PLCL1: variants seen among roughly 807,000 people sequenced by gnomAD.
The protein encoded by PLCL1 is inactive phospholipase C-like protein 1.
PLCL1 carries 41 observed loss-of-function variants against 84.4 expected under a neutral mutation model. The observed-to-expected ratio is 0.49, with a 90% CI of 0.38 to 0.63. The LOEUF is 0.63. Among genes scored for constraint, PLCL1 ranks in the 30% least tolerant of loss-of-function variants. PLCL1 has a pLI of 0.00. For missense variants in PLCL1, 1,206 were observed against 1,367.8 expected, an observed-to-expected ratio of 0.88 and a Z score of 1.87; for synonymous variants, 490 against 488.3, an observed-to-expected ratio of 1.00 and a Z score of -0.05.
chr2:198,067,736 T>A (rs1035017050), intron 1 of PLCL1, among the ~76,000 whole-genome samples: 4 of 152,236 alleles, frequency 2.6e-5, no homozygotes, highest in African/African-American at 7.2e-5. Flanking sequence ...CAGTCTCCTG[T>A]GTCTTGCATT....
chr2:197,903,994 T>G (rs6706937), intron 1 of PLCL1, among the ~76,000 whole-genome samples: 110,202 of 151,136 alleles, frequency 0.73, 41,221 homozygotes, highest in African/African-American at 0.91. Flanking sequence ...GTAGAGACGG[T>G]GTTTCACCAT....
At chr2:198,039,664 A>G (rs1212719366) in intron 1 of PLCL1, among the ~76,000 whole-genome samples, 1 of 152,122 alleles carries the variant, frequency 6.6e-6, no homozygotes, top group African/African-American at 2.4e-5. Flanking sequence ...CCTTAGATCA[A>G]TTTAGAGGGT....
At position 197,804,863 on chromosome 2, in the gene PLCL1, G is replaced by A. The variant is rs140084890; in HGVS notation, c.-237G>A. 0.047 allele frequency: 19,203 copies of A among 406,862 alleles called. 612 individuals are homozygous for A. Among genetic ancestry groups the A allele is most frequent in the Non-Finnish European group, 0.057 (13,090 of 230,702 alleles). 25.2% of individuals were successfully genotyped at this position (406,862 alleles called of 1,614,324 possible). ...ACATCGCCTCCCCACTCCCGCCACCGTCCCCCGCCGGACTGCTAGCCTCCT... is the reference window on the plus strand; with the variant it reads ...ACATCGCCTCCCCACTCCCGCCACCATCCCCCGCCGGACTGCTAGCCTCCT... On this transcript the variant is annotated 5_prime_UTR_variant, in exon 1 of 6. Transcript: ENST00000428675.
At chr2:197,892,148 C>A (rs1410419113) in intron 1 of PLCL1, among the ~76,000 whole-genome samples, 1 of 152,150 alleles carries the variant, frequency 6.6e-6, no homozygotes, top group Non-Finnish European at 1.5e-5. Context: ...GCAGAGCCAA[C>A]CAATACATAC....
At chr2:197,966,655 T>G (rs558243790) in intron 1 of PLCL1, among the ~76,000 whole-genome samples, 1 of 152,226 alleles carries the variant, frequency 6.6e-6, no homozygotes, top group Non-Finnish European at 1.5e-5. Flanking sequence ...AAGACTGCCT[T>G]TCCTACTTCT....
At chr2:198,096,619 T>C (rs1462024220) in intron 3 of PLCL1, among the ~76,000 whole-genome samples, 1 of 152,150 alleles carries the variant, frequency 6.6e-6, no homozygotes, top group East Asian at 1.9e-4. Flanking sequence ...GCTACCTTAT[T>C]TAACATTAAC....
chr2:198,148,187 T>G lies in PLCL1; in HGVS notation c.*1225T>G. 6.6e-6 allele frequency: 1 copy of G among 152,308 alleles called. No individual in the cohort carries two copies. The highest frequency in any genetic ancestry group is 1.9e-4 in the East Asian group (1 of 5,342). The allele number at this position is 152,308 out of a possible 1,614,324, so 9.4% of individuals were successfully genotyped here. On this transcript the variant is annotated 3_prime_UTR_variant, in exon 6 of 6. Coordinates refer to ENST00000428675, the MANE Select transcript of PLCL1 (RefSeq NM_006226.4). Reference sequence around the variant, plus strand: ...TCCAACAGAACTAAATGTTCTATGGTTATGAAAGAATATATTTATTTAAAG... The same window carrying G: ...TCCAACAGAACTAAATGTTCTATGGGTATGAAAGAATATATTTATTTAAAG...
chr2:198,087,357 TA>T (rs147644298), intron 2 of PLCL1, among the ~76,000 whole-genome samples: 4,959 of 152,036 alleles, frequency 0.033, 149 homozygotes, highest in Admixed American at 0.087. Flanking sequence ...GTGGTAAACT[TA>T]AAAAAAATTA....
chr2:198,001,082 A>G (rs1690589657), intron 1 of PLCL1, among the ~76,000 whole-genome samples: 1 of 152,186 alleles, frequency 6.6e-6, no homozygotes, highest in Non-Finnish European at 1.5e-5. Flanking sequence ...ATAGAGGAAT[A>G]ATAGCCTCCT....
At chr2:198,038,152 CT>C (rs1294776723) in intron 1 of PLCL1, among the ~76,000 whole-genome samples, 2 of 151,998 alleles carry the variant, frequency 1.3e-5, no homozygotes, top group Non-Finnish European at 2.9e-5. Context: ...CAGAAAAGGG[CT>C]TTTGTTCTAG....
intron 1 of PLCL1, among the ~76,000 whole-genome samples, chr2:197,932,886 A>C (rs935134985): frequency 2.0e-5 from 3 of 152,022 alleles, no homozygotes; most frequent in Non-Finnish European, 2.9e-5. Flanking sequence ...AAAAGAGATC[A>C]CCTGAAACTG....
At chr2:198,017,346 G>A (rs1691023030) in intron 1 of PLCL1, among the ~76,000 whole-genome samples, 2 of 152,192 alleles carry the variant, frequency 1.3e-5, no homozygotes, top group African/African-American at 4.8e-5. Context: ...AAATTGTAAT[G>A]TCTGAGGAGA....
chr2:197,921,095 G>A (rs984426857), intron 1 of PLCL1, among the ~76,000 whole-genome samples: 4 of 152,158 alleles, frequency 2.6e-5, no homozygotes, highest in Admixed American at 2.6e-4. Context: ...TACAAAGAAT[G>A]CAGCATGTTA....
chr2:197,884,065 C>T (rs755736538), intron 1 of PLCL1, among the ~76,000 whole-genome samples: 1 of 152,114 alleles, frequency 6.6e-6, no homozygotes, highest in Non-Finnish European at 1.5e-5. Flanking sequence ...GGGGGTTCTA[C>T]CTAACTGGGA....
At chr2:198,097,994 C>T (rs529815863) in intron 3 of PLCL1, among the ~76,000 whole-genome samples, 1 of 152,250 alleles carries the variant, frequency 6.6e-6, no homozygotes, top group African/African-American at 2.4e-5. Flanking sequence ...AGGAAATAAT[C>T]TTCATTCTAG....
chr2:197,875,442 G>T (rs1219815914), intron 1 of PLCL1, among the ~76,000 whole-genome samples: 1 of 152,114 alleles, frequency 6.6e-6, no homozygotes, highest in Non-Finnish European at 1.5e-5. Flanking sequence ...ATTGGGAAAG[G>T]CAGGAAGGAA....
chr2:197,942,858 A>G (rs185402895), intron 1 of PLCL1, among the ~76,000 whole-genome samples: 3 of 152,174 alleles, frequency 2.0e-5, no homozygotes, highest in Non-Finnish European at 2.9e-5. Flanking sequence ...TTTTAACCAG[A>G]CTTCTCCTGA....
chr2:198,024,165 C>T (rs1417997630), intron 1 of PLCL1, among the ~76,000 whole-genome samples: 2 of 152,160 alleles, frequency 1.3e-5, no homozygotes, highest in Non-Finnish European at 2.9e-5. Flanking sequence ...ACAAACACCA[C>T]ATGTTCTCAC....
chr2:198,109,990 G>A (rs187890585), intron 5 of PLCL1, among the ~76,000 whole-genome samples: 158 of 151,514 alleles, frequency 1.0e-3, no homozygotes, highest in Admixed American at 3.2e-3. Context: ...TATGAAGTAG[G>A]TAATCACTAG....
Sources: allele counts gnomAD v4.1 joint callset (sites outside exome capture counted in the v4.1 genomes callset), GRCh38; gene constraint gnomAD v4.1.1; transcripts MANE v1.5; gene names NCBI Gene and HGNC (gene_info 2026-07-23, HGNC 2026-07-21).